SYNJ2BP: variants seen among roughly 807,000 people sequenced by gnomAD.
SYNJ2BP encodes synaptojanin-2-binding protein.
SYNJ2BP carries 10 observed loss-of-function variants against 16.9 expected under a neutral mutation model. The ratio of observed to expected loss-of-function variants is 0.59; its 90% CI spans 0.36 to 1.00. The LOEUF is 1.00. Among genes scored for constraint, SYNJ2BP ranks in the 50% least tolerant of loss-of-function variants. The pLI, the probability that SYNJ2BP is intolerant of heterozygous loss-of-function variation, is 0.01. For synonymous variants in SYNJ2BP, 54 were observed against 68.4 expected, an observed-to-expected ratio of 0.79 and a Z score of 1.04; for missense variants, 162 against 186.7, an observed-to-expected ratio of 0.87 and a Z score of 0.77.
intron 1 of SYNJ2BP, among the ~76,000 whole-genome samples, chr14:70,416,002 G>A (rs576122196): frequency 1.7e-4 from 26 of 152,328 alleles, no homozygotes; most frequent in South Asian, 1.2e-3. Context: ...CATCAGTTAA[G>A]TTAGCCAATA....
At chr14:70,408,496 C>A (rs1324247436) in intron 1 of SYNJ2BP, among the ~76,000 whole-genome samples, 1 of 151,986 alleles carries the variant, frequency 6.6e-6, no homozygotes, top group Non-Finnish European at 1.5e-5. Flanking sequence ...CATGGTGAAA[C>A]CCCATCTCTA....
intron 2 of SYNJ2BP, among the ~76,000 whole-genome samples, chr14:70,382,193 G>A (rs1594944674): frequency 1.3e-5 from 2 of 152,140 alleles, no homozygotes; most frequent in African/African-American, 2.4e-5. Context: ...CTGAGATTGC[G>A]CCGATGCATT....
At position 70,388,503 on chromosome 14, in the gene SYNJ2BP, A is replaced by C; in HGVS notation, c.168T>G (p.Asp56Glu). 6.3e-7 allele frequency: 1 copy of C among 1,594,552 alleles called. No individual in the cohort carries two copies. The highest frequency in any genetic ancestry group is 8.5e-7 in the Non-Finnish European group (1 of 1,171,208). Reference sequence around the variant, plus strand: ...TCTTATCACCCTCCTGGAGCCGCCCATCCAGGGCCGCAGCCCCATTTTCTT... The same window carrying C: ...TCTTATCACCCTCCTGGAGCCGCCCCTCCAGGGCCGCAGCCCCATTTTCTT... Reference protein sequence around the residue: ...RIKENGAAALDGRLQEGDKIL... With the variant: ...RIKENGAAALEGRLQEGDKIL... Residue 56 changes from aspartate to glutamate, a missense_variant, in exon 2 of 4, where the codon GAT (aspartate) becomes GAG (glutamate). By Grantham distance (45) the Asp-to-Glu change is conservative. Coordinates refer to ENST00000256366, the MANE Select transcript of SYNJ2BP (RefSeq NM_018373.3).
At chr14:70,385,982 T>A (rs1280543696) in intron 2 of SYNJ2BP, among the ~76,000 whole-genome samples, 1 of 152,234 alleles carries the variant, frequency 6.6e-6, no homozygotes, top group Non-Finnish European at 1.5e-5. Flanking sequence ...TGACATTTAG[T>A]GCTCAAATAC....
At chr14:70,391,184 T>C (rs1232225008) in intron 1 of SYNJ2BP, among the ~76,000 whole-genome samples, 1 of 152,118 alleles carries the variant, frequency 6.6e-6, no homozygotes, top group African/African-American at 2.4e-5. Context: ...TGCAGCTAGA[T>C]AATAGAAAGA....
At chr14:70,397,557 C>T (rs952321634) in intron 1 of SYNJ2BP, among the ~76,000 whole-genome samples, 12 of 152,180 alleles carry the variant, frequency 7.9e-5, no homozygotes, top group African/African-American at 2.9e-4. Flanking sequence ...TGGCTCTCTG[C>T]AAGGCTACAG....
At chr14:70,405,845 G>A (rs1389421600) in intron 1 of SYNJ2BP, among the ~76,000 whole-genome samples, 4 of 152,170 alleles carry the variant, frequency 2.6e-5, no homozygotes, top group Admixed American at 2.0e-4. Context: ...AAAAAGATGT[G>A]TTGGTCTTGT....
chr14:70,401,731 C>G (rs1010064088), intron 1 of SYNJ2BP, among the ~76,000 whole-genome samples: 1 of 152,034 alleles, frequency 6.6e-6, no homozygotes, highest in African/African-American at 2.4e-5. Context: ...CAGCCTCAAT[C>G]GCCCAGGCTC....
chr14:70,390,782 T>C (rs11626735), intron 1 of SYNJ2BP, among the ~76,000 whole-genome samples: 8,098 of 152,172 alleles, frequency 0.053, 284 homozygotes, highest in Middle Eastern at 0.11. Context: ...GCAAATCAAT[T>C]TGTAATTTAA....
chr14:70,375,920 C>T, intron 2 of SYNJ2BP, 149 bp from the exon 3 acceptor site: 2 of 978,794 alleles, frequency 2.0e-6, no homozygotes, highest in Non-Finnish European at 2.9e-6. Context: ...GAGCTCAGAA[C>T]TTAGAACTTT....
intron 3 of SYNJ2BP, among the ~76,000 whole-genome samples, chr14:70,373,467 A>G (rs962393697): frequency 6.6e-6 from 1 of 152,198 alleles, no homozygotes; most frequent in African/African-American, 2.4e-5. Context: ...AAAACCTATG[A>G]TCTTATAGGG....
intron 1 of SYNJ2BP, among the ~76,000 whole-genome samples, chr14:70,391,202 C>T (rs1466804483): frequency 1.3e-5 from 2 of 152,082 alleles, no homozygotes; most frequent in South Asian, 2.1e-4. Context: ...AGAATTTATT[C>T]TCTAAAATAA....
chr14:70,373,057 C>A lies in SYNJ2BP; in HGVS notation c.372G>T (p.Leu124=). ...DPSGIPIFMV[L]VPVFALTMVA... is the part of the protein sequence containing the mutation. ...CCATGGTGAGGGCAAACACTGGCAC[C>A]AGCACCATAAATATGGGAATACCAC... Residue 124 remains leucine (L), a synonymous_variant, in exon 4 of 4, where the codon CTG becomes CTT. Transcript: ENST00000256366. 1 of 1,614,144 alleles carries A rather than the reference C, an allele frequency of 6.2e-7. No individual in the cohort carries two copies. The highest frequency in any genetic ancestry group is 8.5e-7 in the Non-Finnish European group (1 of 1,180,018).
chr14:70,371,425 T>C lies in SYNJ2BP; in HGVS notation c.*1566A>G, dbSNP rs1020965603. The C allele has an allele frequency of 6.6e-6, 1 of 152,382 alleles. No individual in the cohort carries two copies. Among genetic ancestry groups the C allele is most frequent in the African/African-American group, 2.4e-5 (1 of 41,462 alleles). The allele number at this position is 152,382 out of a possible 1,614,324, so 9.4% of individuals were successfully genotyped here. On this transcript the variant is annotated 3_prime_UTR_variant, in exon 4 of 4. Transcript: ENST00000256366. ...AAATACTAGCAATCCATGCCTTTCT[T>C]TTTTTGAGATGGAGTCTTGCTCTGT...
At chr14:70,409,011 A>C (rs1350929107) in intron 1 of SYNJ2BP, among the ~76,000 whole-genome samples, 2 of 151,934 alleles carry the variant, frequency 1.3e-5, no homozygotes, top group Non-Finnish European at 2.9e-5. Context: ...CAATTCTTCC[A>C]CTTCAGCCTC....
chr14:70,392,676 C>T (rs912488374), intron 1 of SYNJ2BP, among the ~76,000 whole-genome samples: 12 of 152,066 alleles, frequency 7.9e-5, no homozygotes, highest in Non-Finnish European at 1.6e-4. Flanking sequence ...TTTTAAAATT[C>T]CACCCATCTA....
chr14:70,397,138 T>C (rs1888116986), intron 1 of SYNJ2BP, among the ~76,000 whole-genome samples: 1 of 152,226 alleles, frequency 6.6e-6, no homozygotes, highest in Non-Finnish European at 1.5e-5. Context: ...AATAAATTTC[T>C]AGTTAATTTT....
chr14:70,398,717 G>A (rs1013029949), intron 1 of SYNJ2BP, among the ~76,000 whole-genome samples: 3 of 152,286 alleles, frequency 2.0e-5, no homozygotes, highest in African/African-American at 7.2e-5. Flanking sequence ...GCACCTGGGA[G>A]GGCAGAGCTC....
intron 1 of SYNJ2BP, among the ~76,000 whole-genome samples, chr14:70,393,278 C>T (rs1369842229): frequency 1.3e-5 from 2 of 152,076 alleles, no homozygotes; most frequent in African/African-American, 2.4e-5. Flanking sequence ...ATTGGAATGG[C>T]GATCATTAAA....
Sources: gnomAD v4.1 joint callset for allele counts (sites outside exome capture counted in the v4.1 genomes callset) on GRCh38, gnomAD v4.1.1 for gene constraint, MANE v1.5 for transcripts, NCBI Gene and HGNC (gene_info 2026-07-23, HGNC 2026-07-21) for gene names.